Variants in PIEZO2 observed in about 807,000 individuals in gnomAD.
The protein encoded by PIEZO2 is piezo type mechanosensitive ion channel component 2.
PIEZO2 carries 172 observed loss-of-function variants against 337.3 expected under a neutral mutation model. The ratio of observed to expected loss-of-function variants is 0.51; its 90% CI spans 0.45 to 0.58. PIEZO2 has a LOEUF of 0.58. Ranked by LOEUF, PIEZO2 falls within the 20% of genes least tolerant of loss-of-function variation. PIEZO2 has a pLI of 0.00. For synonymous variants in PIEZO2, 1,251 were observed against 1,228.5 expected (o/e 1.02, Z -0.38); for missense variants, 3,028 against 3,391.3 (o/e 0.89, Z 2.66).
At position 10,980,395 on chromosome 18, in the gene PIEZO2, T is replaced by C. The variant is rs1191460727; in HGVS notation, c.161-735A>G. ...ATGGAAGGAAACATCCTTAAAGGAT[T>C]TATAATAAAGCAAACATCCTGTTTA... On this transcript the variant is annotated intron_variant, in intron 2 of 55. Coordinates refer to ENST00000674853, the MANE Select transcript of PIEZO2 (RefSeq NM_001378183.1). The surrounding 1 kb of genome is among the most constrained non-coding windows in gnomAD (Gnocchi z 4.8). Among the ~76,000 whole-genome samples the C allele has an allele frequency of 6.6e-6, 1 of 151,838 alleles. No individual in the cohort carries two copies.
chr18:10,841,810 G>A (rs2041201308), intron 7 of PIEZO2, among the ~76,000 whole-genome samples: 1 of 152,152 alleles, frequency 6.6e-6, no homozygotes, highest in Non-Finnish European at 1.5e-5. Flanking sequence ...ATTTTGGGTT[G>A]TAACTCCACT....
intron 10 of PIEZO2, 67 bp from the exon 11 acceptor site, chr18:10,800,542 C>A: frequency 6.9e-7 from 1 of 1,447,372 alleles, no homozygotes; most frequent in South Asian, 1.4e-5. Context: ...AGACATACCC[C>A]CACTTCCCTT....
intron 4 of PIEZO2, among the ~76,000 whole-genome samples, chr18:10,900,648 A>G (rs1336113944): frequency 6.6e-6 from 1 of 152,220 alleles, no homozygotes; most frequent in Non-Finnish European, 1.5e-5. Flanking sequence ...TAAGGTGACC[A>G]TAGTGACCAC....
intron 1 of PIEZO2, among the ~76,000 whole-genome samples, chr18:11,117,095 G>T (rs1482475829): frequency 1.3e-5 from 2 of 152,132 alleles, no homozygotes; most frequent in Non-Finnish European, 2.9e-5. Context: ...AACAGAGCAA[G>T]ATTCTGTCCC....
At position 11,110,693 on chromosome 18, in the gene PIEZO2, C is replaced by G. The variant is rs1457212318; in HGVS notation, c.64+37832G>C. Among the ~76,000 whole-genome samples the G allele has an allele frequency of 6.6e-6, 1 of 152,198 alleles. No homozygotes were observed. The highest frequency in any genetic ancestry group is 6.5e-5 in the Admixed American group (1 of 15,284). Reference sequence around the variant, plus strand: ...GCGATGCCTCGTCATCCTTTCCGCCCCTCCCCGCCCCGGCCCGCCCGCCCC... The same window carrying G: ...GCGATGCCTCGTCATCCTTTCCGCCGCTCCCCGCCCCGGCCCGCCCGCCCC... On this transcript the variant is annotated intron_variant, in intron 1 of 55. Coordinates refer to ENST00000674853, the MANE Select transcript of PIEZO2 (RefSeq NM_001378183.1). This position sits in a 1 kb window ranked among gnomAD's most constrained non-coding sequence, Gnocchi z 4.2.
At position 10,993,633 on chromosome 18, in the gene PIEZO2, TCTC is replaced by T. The variant is rs2035192416; in HGVS notation, c.161-13976_161-13974del. 6.6e-6 allele frequency among the ~76,000 whole-genome samples: 1 copy of T among 152,094 alleles called. No individual in the cohort carries two copies. Among genetic ancestry groups the T allele is most frequent in the African/African-American group, 2.4e-5 (1 of 41,418 alleles). ...CCTCCGCCTCCCGGGTTAACGCCAT[TCTC>T]CTGCCTCAGCCTCCTGAGTAGCTGA... On this transcript the variant is annotated intron_variant, in intron 2 of 55. Transcript: ENST00000674853. This position sits in a 1 kb window ranked among gnomAD's most constrained non-coding sequence, Gnocchi z 5.0.
At chr18:10,687,309 G>A (rs766660030) in intron 49 of PIEZO2, among the ~76,000 whole-genome samples, 18 of 151,858 alleles carry the variant, frequency 1.2e-4, no homozygotes, top group Non-Finnish European at 1.8e-4. Flanking sequence ...TGACAGGCCC[G>A]CCCCAGTGTG....
chr18:10,736,355 A>G lies in PIEZO2; in HGVS notation c.4815+249T>C, dbSNP rs1264027449. Among the ~76,000 whole-genome samples, 4 of 152,358 alleles carry G rather than the reference A, an allele frequency of 2.6e-5. No individual in the cohort carries two copies. The East Asian group carries it at 7.7e-4, about 29-fold the overall frequency. ...AGCTTTATTTTTTGTTTATAGTATC[A>G]GGAACTGTTTCAGTGCCAGTGAATG... On this transcript the variant is annotated intron_variant, in intron 34 of 55. Transcript: ENST00000674853.
In PIEZO2 at chr18:10,877,253, A is replaced by T. The variant is rs988358534; in HGVS notation, c.330-5838T>A. On this transcript the variant is annotated intron_variant, in intron 4 of 55. Transcript: ENST00000674853. This position sits in a 1 kb window ranked among gnomAD's most constrained non-coding sequence, Gnocchi z 5.3. ...ACATGGTGACTTATCCATTCATTTC[A>T]ATCAGAATCACAGATCAATGAACAT... Among the ~76,000 whole-genome samples, 58 of 152,232 alleles carry T rather than the reference A, an allele frequency of 3.8e-4. No individual in the cohort carries two copies. The highest frequency in any genetic ancestry group is 1.3e-3 in the African/African-American group (52 of 41,462).
chr18:10,810,007 A>T (rs923477160), intron 7 of PIEZO2, among the ~76,000 whole-genome samples: 2 of 152,206 alleles, frequency 1.3e-5, no homozygotes, highest in African/African-American at 4.8e-5. Context: ...AAAGGTAAAG[A>T]TGAAGCTTTT....
rs900062310 is a variant in PIEZO2 at position 11,027,055 on chromosome 18, G to C, written c.160+39072C>G. On this transcript the variant is annotated intron_variant, in intron 2 of 55. Transcript: ENST00000674853. This position sits in a 1 kb window ranked among gnomAD's most constrained non-coding sequence, Gnocchi z 4.2. ...AAGTATTTTATAAGCCAATTCATAT[G>C]AAATGTCACAGAGCAGTCAATTCTA... is the stretch of plus-strand genomic sequence containing the variant. 1.3e-5 allele frequency among the ~76,000 whole-genome samples: 2 copies of C among 152,256 alleles called. No individual in the cohort carries two copies. The highest frequency in any genetic ancestry group is 4.8e-5 in the African/African-American group (2 of 41,464).
chr18:10,743,916 C>T (rs529662875), intron 31 of PIEZO2, among the ~76,000 whole-genome samples: 20 of 152,310 alleles, frequency 1.3e-4, no homozygotes, highest in Admixed American at 3.3e-4. Context: ...TGCAAGATAG[C>T]GCCCACCTCC....
At position 10,971,045 on chromosome 18, in the gene PIEZO2, A is replaced by G. The variant is rs151218986; in HGVS notation, c.286+8490T>C. Among the ~76,000 whole-genome samples the G allele has an allele frequency of 2.2e-3, 342 of 152,282 alleles. 1 individual carries two copies. Among genetic ancestry groups the G allele is most frequent in the African/African-American group, 7.6e-3 (316 of 41,560 alleles). On this transcript the variant is annotated intron_variant, in intron 3 of 55. Coordinates refer to ENST00000674853, the MANE Select transcript of PIEZO2 (RefSeq NM_001378183.1). ...AAGTCACTGCCCCTTGATGCTTGGC[A>G]TTAATCAGGCCCTGGAGACTCCCCA...
rs1379523944 is a variant in PIEZO2 at position 10,861,199 on chromosome 18, C to T, written c.493-3988G>A. On this transcript the variant is annotated intron_variant, in intron 5 of 55. Transcript: ENST00000674853. The surrounding 1 kb of genome is among the most constrained non-coding windows in gnomAD (Gnocchi z 4.3). Reference sequence around the variant, plus strand: ...CTGGAGCTGTAAGCTGTCCCTGCAGCGGAACAGAACTTCAATCTGGCCTTG... The same window carrying T: ...CTGGAGCTGTAAGCTGTCCCTGCAGTGGAACAGAACTTCAATCTGGCCTTG... 1.3e-5 allele frequency among the ~76,000 whole-genome samples: 2 copies of T among 152,138 alleles called. No homozygotes were observed. Among genetic ancestry groups the T allele is most frequent in the African/African-American group, 2.4e-5 (1 of 41,426 alleles).
intron 35 of PIEZO2, among the ~76,000 whole-genome samples, chr18:10,733,022 G>T (rs75812600): frequency 0.2 from 30,500 of 152,094 alleles, 3,590 homozygotes; most frequent in South Asian, 0.32. Flanking sequence ...AATATGAGGC[G>T]CACAAGTTGG....
At chr18:10,868,955 C>T (rs768460500) in intron 5 of PIEZO2, among the ~76,000 whole-genome samples, 2 of 152,098 alleles carry the variant, frequency 1.3e-5, no homozygotes, top group African/African-American at 2.4e-5. Flanking sequence ...ATGAATGGCA[C>T]AGAAGAGATT....
rs1403340674 is a variant in PIEZO2 at position 10,819,934 on chromosome 18, A to G, written c.918-12660T>C. 4.6e-5 allele frequency among the ~76,000 whole-genome samples: 7 copies of G among 152,168 alleles called. No individual in the cohort carries two copies. The highest frequency in any genetic ancestry group is 1.3e-4 in the Admixed American group (2 of 15,282). On this transcript the variant is annotated intron_variant, in intron 7 of 55. Transcript: ENST00000674853. The surrounding 1 kb of genome is among the most constrained non-coding windows in gnomAD (Gnocchi z 4.3). ...CTTCATTTCTTCTACCTACATTCTCAGATACAGAATTATAGGTTCATAGTT... is the reference window on the plus strand; with the variant it reads ...CTTCATTTCTTCTACCTACATTCTCGGATACAGAATTATAGGTTCATAGTT...
At chr18:10,675,320 GT>G in intron 53 of PIEZO2, 32 bp from the exon 54 acceptor site, 1 of 1,312,440 alleles carries the variant, frequency 7.6e-7, no homozygotes, top group Non-Finnish European at 1.0e-6. Flanking sequence ...ATACAATTAC[GT>G]TTTAGTTGTT....
rs2038427396 is a variant in PIEZO2, at chr18:10,767,801, C to A, written c.2946+2347G>T. ...GGGCAGCAGGACTCCACAGAGGAGT[C>A]CAGGAGGAGAAGGTGCTGGCAACCA... On this transcript the variant is annotated intron_variant, in intron 21 of 55. Coordinates refer to ENST00000674853, the MANE Select transcript of PIEZO2 (RefSeq NM_001378183.1). The surrounding 1 kb of genome is among the most constrained non-coding windows in gnomAD (Gnocchi z 4.2). Among the ~76,000 whole-genome samples the A allele has an allele frequency of 6.6e-6, 1 of 152,180 alleles. No homozygotes were observed. The highest frequency in any genetic ancestry group is 2.4e-5 in the African/African-American group (1 of 41,454).
Sources: allele counts gnomAD v4.1 joint callset (sites outside exome capture counted in the v4.1 genomes callset), GRCh38; gene constraint gnomAD v4.1.1; non-coding constraint Gnocchi (gnomAD v3.1); transcripts MANE v1.5; gene names NCBI Gene and HGNC (gene_info 2026-07-23, HGNC 2026-07-21).